SLC12A5: variants seen among roughly 807,000 people sequenced by gnomAD.
SLC12A5 encodes solute carrier family 12 member 5.
SLC12A5 carries 18 observed loss-of-function variants against 124.0 expected under a neutral mutation model. That is an observed-to-expected ratio of 0.15 (90% CI 0.10 to 0.22). The LOEUF is 0.22. SLC12A5 is among the 10% of genes least tolerant of loss of function. The probability of loss-of-function intolerance (pLI) is 1.00; values close to 1 mark genes in which losing one functional copy is unlikely to be tolerated. For synonymous variants in SLC12A5, 589 were observed against 568.0 expected, an observed-to-expected ratio of 1.04 and a Z score of -0.53; for missense variants, 867 against 1,478.7, an observed-to-expected ratio of 0.59 and a Z score of 6.78.
At chr20:46,028,166 G>A (rs1410662312), upstream of SLC12A5, among the ~76,000 whole-genome samples, 5 of 152,226 alleles carry the variant, frequency 3.3e-5, no homozygotes, top group African/African-American at 1.2e-4. Context: ...GAGGAGGACA[G>A]AGAGCATGTC....
At chr20:46,052,811 T>C (rs1600604349) in intron 18 of SLC12A5, 146 bp from the exon 19 acceptor site, 1 of 789,520 alleles carries the variant, frequency 1.3e-6, no homozygotes, top group Non-Finnish European at 2.0e-6. Flanking sequence ...AAGTAGATGC[T>C]GGTTTTCTGA....
chr20:46,029,411 G>A lies in SLC12A5; in HGVS notation c.52+15G>A. ...AGCCAACCCGGGTAAGCTGTGGTCC[G>A]GGGGCGGCGGGGGAGGGGGCAGCGA... On this transcript the variant is annotated intron_variant, in intron 1 of 25. Transcript: ENST00000243964. 5 of 1,488,440 alleles carry A rather than the reference G, an allele frequency of 3.4e-6. No homozygotes were observed. Among genetic ancestry groups the A allele is most frequent in the Non-Finnish European group, 4.6e-6 (5 of 1,093,880 alleles). The allele number at this position is 1,488,440 out of a possible 1,614,324, so 92.2% of individuals were successfully genotyped here.
In SLC12A5 at chr20:46,053,001, A is replaced by G; in HGVS notation, c.2422A>G (p.Thr808Ala). 6.2e-7 allele frequency: 1 copy of G among 1,614,018 alleles called. No individual in the cohort carries two copies. ...TTAGHLALLV[T>A]KNVSMFPGNP... ...AGCTGGCCACTTAGCCCTGCTGGTC[A>G]CCAAGAACGTTTCCATGTTTCCTGG... The change falls in exon 19 of 26, where the codon ACC becomes GCC. Residue 808 changes from threonine (T) to alanine (A), a missense_variant. Physicochemically the swap from Thr to Ala is moderately conservative, Grantham distance 58. Around this residue, in one of 9 missense-constraint regions of SLC12A5, gnomAD observed 110 missense variants for 149.9 expected, o/e 0.73. Transcript: ENST00000243964. This position sits in a 1 kb window ranked among gnomAD's most constrained non-coding sequence, Gnocchi z 4.7.
At position 46,053,225 on chromosome 20, in the gene SLC12A5, T is replaced by A; in HGVS notation, c.2547+99T>A. ...AACTGCAGGTCAGACTCAGGGGCTCTGGCCAGGGTCAGCTTCCGTGTCCTT... is the reference window on the plus strand; with the variant it reads ...AACTGCAGGTCAGACTCAGGGGCTCAGGCCAGGGTCAGCTTCCGTGTCCTT... On this transcript the variant is annotated intron_variant, in intron 19 of 25. Transcript: ENST00000243964. The surrounding 1 kb of genome is among the most constrained non-coding windows in gnomAD (Gnocchi z 4.7). 7.4e-7 allele frequency: 1 copy of A among 1,352,464 alleles called. No individual in the cohort carries two copies. The highest frequency in any genetic ancestry group is 1.0e-6 in the Non-Finnish European group (1 of 994,092). The allele number at this position is 1,352,464 out of a possible 1,614,324, so 83.8% of individuals were successfully genotyped here. A position where few individuals can be genotyped will look rare whatever the true frequency, so the allele number is the denominator to read the frequency against.
Position 46,035,791 on chromosome 20 carries a change from C to A in SLC12A5, c.294C>A (p.Gly98=), listed in dbSNP as rs1364848856. Residue 98 remains glycine, a synonymous_variant, in exon 4 of 26, where the codon GGC becomes GGA. Coordinates refer to ENST00000243964, the MANE Select transcript of SLC12A5 (RefSeq NM_020708.5). ...KKKPVQAPRM[G]TFMGVYLPCL... ...CTCCCTGGCAGGCCCCACGCATGGG[C>A]ACCTTCATGGGCGTGTACCTGCCGT... 6.2e-7 allele frequency: 1 copy of A among 1,613,212 alleles called. No individual in the cohort carries two copies. The highest frequency in any genetic ancestry group is 1.7e-5 in the Admixed American group (1 of 59,976).
At chr20:46,052,911 CAG>C (rs746591571) in intron 18 of SLC12A5, 44 bp from the exon 19 acceptor site, 3 of 1,549,604 alleles carry the variant, frequency 1.9e-6, no homozygotes, top group Non-Finnish European at 2.6e-6. Context: ...TTGGGAGAAC[CAG>C]AGTCACTGTT....
upstream of SLC12A5, among the ~76,000 whole-genome samples, chr20:46,025,490 C>A (rs1465495334): frequency 6.6e-6 from 1 of 152,154 alleles, no homozygotes; most frequent in Non-Finnish European, 1.5e-5. Context: ...CCTCTCCCCT[C>A]CCCTTTTCTC....
Position 46,053,041 on chromosome 20 carries a change from T to G in SLC12A5, c.2462T>G (p.Phe821Cys), listed in dbSNP as rs1385024131. The G allele has an allele frequency of 6.2e-7, 1 of 1,614,124 alleles. No homozygotes were observed. Among genetic ancestry groups the G allele is most frequent in the Admixed American group, 1.7e-5 (1 of 60,018 alleles). The change falls in exon 19 of 26, where the codon TTC becomes TGC. Residue 821 changes from phenylalanine (F) to cysteine (C), a missense_variant. Coordinates refer to ENST00000243964, the MANE Select transcript of SLC12A5 (RefSeq NM_020708.5). This position sits in a 1 kb window ranked among gnomAD's most constrained non-coding sequence, Gnocchi z 4.7. ...VSMFPGNPER[F>C]SEGSIDVWWI... Reference sequence around the variant, plus strand: ...ATGTTTCCTGGGAACCCTGAGCGCTTCTCTGAGGGCAGCATCGACGTTTGG... The same window carrying G: ...ATGTTTCCTGGGAACCCTGAGCGCTGCTCTGAGGGCAGCATCGACGTTTGG...
chr20:46,032,413 C>A (rs1384571515), intron 1 of SLC12A5, among the ~76,000 whole-genome samples: 1 of 152,208 alleles, frequency 6.6e-6, no homozygotes, highest in African/African-American at 2.4e-5. Context: ...CCATAGGAGA[C>A]AGGACCCCAA....
At chr20:46,047,865 TG>T in intron 15 of SLC12A5, 115 bp from the exon 16 acceptor site, 1 of 1,015,894 alleles carries the variant, frequency 9.8e-7, no homozygotes, top group South Asian at 1.6e-5. Context: ...GTGATACACA[TG>T]TCCTTTCTGA....
chr20:46,043,961 TG>T (rs1568863070), intron 11 of SLC12A5, 28 bp downstream of exon 11: 2 of 1,452,120 alleles, frequency 1.4e-6, no homozygotes, highest in Non-Finnish European at 1.9e-6. Context: ...GATCCTATTC[TG>T]GGGGAGGGGT....
rs567143445 is a variant in SLC12A5 at position 46,036,132 on chromosome 20, T to G, written c.426+209T>G. On this transcript the variant is annotated intron_variant, in intron 4 of 25. Coordinates refer to ENST00000243964, the MANE Select transcript of SLC12A5 (RefSeq NM_020708.5). ...CTGTTAACCAGGTTTCACCTGGATC[T>G]CTCTGTGTGTAATTACACAAGTGAT... The G allele has an allele frequency of 4.7e-5, 25 of 529,082 alleles. No homozygotes were observed. In the African/African-American group the frequency reaches 4.7e-4, roughly 10 times the overall value. The allele number at this position is 529,082 out of a possible 1,614,324, so 32.8% of individuals were successfully genotyped here.
At chr20:46,029,885 T>C (rs1006729933) in intron 1 of SLC12A5, among the ~76,000 whole-genome samples, 1 of 67,030 alleles carries the variant, frequency 1.5e-5, no homozygotes, top group Non-Finnish European at 4.4e-5. Context: ...TGTGTGTGTG[T>C]GTGTGCGCGC....
At position 46,045,209 on chromosome 20, in the gene SLC12A5, G is replaced by A; in HGVS notation, c.1569+69G>A. ...GGCCCCTGCCCAGAGAGACCACACA[G>A]TGACCCAGGGCCATAACCAGCCTTA... On this transcript the variant is annotated intron_variant, in intron 12 of 25. Coordinates refer to ENST00000243964, the MANE Select transcript of SLC12A5 (RefSeq NM_020708.5). The surrounding 1 kb of genome is among the most constrained non-coding windows in gnomAD (Gnocchi z 4.9). 1.3e-6 allele frequency: 2 copies of A among 1,494,522 alleles called. No homozygotes were observed. Among genetic ancestry groups the A allele is most frequent in the Non-Finnish European group, 1.8e-6 (2 of 1,124,076 alleles). The allele number at this position is 1,494,522 out of a possible 1,614,324, so 92.6% of individuals were successfully genotyped here.
intron 17 of SLC12A5, among the ~76,000 whole-genome samples, chr20:46,050,511 G>A (rs543781803): frequency 6.6e-6 from 1 of 152,106 alleles, no homozygotes; most frequent in East Asian, 1.9e-4. Flanking sequence ...GTGGCTAGCA[G>A]TGGAGAGAGA....
At chr20:46,036,318 A>G in intron 4 of SLC12A5, 1 of 237,466 alleles carries the variant, frequency 4.2e-6, no homozygotes. Context: ...AAAAAAATCA[A>G]ATATTCGCCA....
At chr20:46,024,435 A>C (rs914635565), upstream of SLC12A5, among the ~76,000 whole-genome samples, 1 of 152,190 alleles carries the variant, frequency 6.6e-6, no homozygotes, top group African/African-American at 2.4e-5. Flanking sequence ...ATGGGGAAGT[A>C]GACAAGGGCT....
intron 8 of SLC12A5, among the ~76,000 whole-genome samples, chr20:46,041,926 C>CGAG (rs1555863794): frequency 1.3e-5 from 2 of 151,136 alleles, no homozygotes; most frequent in Admixed American, 1.3e-4. Flanking sequence ...AGAGAATGCC[C>CGAG]GGGGGGGGAG....
chr20:46,046,582 C>A, intron 14 of SLC12A5, 146 bp downstream of exon 14: 1 of 656,718 alleles, frequency 1.5e-6, no homozygotes, highest in Non-Finnish European at 2.6e-6. Flanking sequence ...TTGACCAACT[C>A]ACATGAGGAA....
Sources: allele counts gnomAD v4.1 joint callset (sites outside exome capture counted in the v4.1 genomes callset), GRCh38; gene constraint gnomAD v4.1.1; regional missense constraint gnomAD v4.1.1; non-coding constraint Gnocchi (gnomAD v3.1); transcripts MANE v1.5; gene names NCBI Gene and HGNC (gene_info 2026-07-23, HGNC 2026-07-21).